The following GABRA3 variants were observed in gnomAD, a reference collection of about 807,000 sequenced individuals.
GABRA3 encodes the protein gamma-aminobutyric acid type A receptor subunit alpha3.
A neutral mutation model predicts 30.1 loss-of-function variants in GABRA3; 10 were observed. The observed-to-expected ratio is 0.33, with a 90% CI of 0.20 to 0.56. The LOEUF is 0.56. Ranked by LOEUF, GABRA3 falls within the 20% of genes least tolerant of loss-of-function variation. GABRA3 has a pLI of 0.89. For synonymous variants in GABRA3, 151 were observed against 146.8 expected (o/e 1.03, Z -0.21); for missense variants, 233 against 392.0 (o/e 0.59, Z 3.42).
rs187897850 is a variant in GABRA3 at position 152,340,762 on chromosome X, T to C, written c.262+4819A>G. ...TTTCAGATTTTCTTTTTATCATTGG[T>C]TCTAAGCAATTTTTTCCTTTCTCTT... On this transcript the variant is annotated intron_variant, in intron 3 of 9. Transcript: ENST00000370314. Among the ~76,000 whole-genome samples, 726 of 111,988 alleles carry C rather than the reference T, an allele frequency of 6.5e-3. 1 individual carries two copies. The highest frequency in any genetic ancestry group is 9.2e-3 in the Non-Finnish European group (487 of 53,129).
intron 3 of GABRA3, among the ~76,000 whole-genome samples, chrX:152,341,763 A>G (rs376181979): frequency 1.8e-5 from 2 of 109,905 alleles, no homozygotes; most frequent in Admixed American, 1.9e-4. Context: ...GATGGTCTCG[A>G]TCTCTTGACC....
At chrX:152,233,133 G>T (rs1483022978) in intron 5 of GABRA3, among the ~76,000 whole-genome samples, 1 of 108,575 alleles carries the variant, frequency 9.2e-6, no homozygotes, top group Non-Finnish European at 1.9e-5. Flanking sequence ...TTTGAAAAAT[G>T]TCGGTTCATG....
chrX:152,339,029 G>A (rs1047471662), intron 3 of GABRA3, among the ~76,000 whole-genome samples: 19 of 110,365 alleles, frequency 1.7e-4, no homozygotes, highest in African/African-American at 6.3e-4. Context: ...GTCATCCTAT[G>A]TACATTTAAG....
At chrX:152,383,958 C>T (rs1272453596) in intron 1 of GABRA3, among the ~76,000 whole-genome samples, 2 of 85,184 alleles carry the variant, frequency 2.3e-5, no homozygotes, top group Non-Finnish European at 4.6e-5. Context: ...GTGGAAAACC[C>T]TACAGACTCC....
chrX:152,185,244 A>T (rs1937237149), intron 9 of GABRA3, among the ~76,000 whole-genome samples: 1 of 111,491 alleles, frequency 9.0e-6, no homozygotes, highest in African/African-American at 3.3e-5. Context: ...TACATTAGAG[A>T]TCCATTTTTC....
chrX:152,364,309 G>A (rs993234909), intron 2 of GABRA3, 122 bp downstream of exon 2: 2 of 603,258 alleles, frequency 3.3e-6, no homozygotes, highest in African/African-American at 4.6e-5. Context: ...TAAATATAAT[G>A]TAATGTATAA....
intron 5 of GABRA3, among the ~76,000 whole-genome samples, chrX:152,229,789 A>G (rs780940275): frequency 1.8e-5 from 2 of 111,299 alleles, no homozygotes; most frequent in African/African-American, 3.3e-5. Flanking sequence ...GATTTTAAGC[A>G]GAGGGTAATT....
intron 7 of GABRA3, among the ~76,000 whole-genome samples, chrX:152,199,635 A>T (rs1489334661): frequency 9.0e-6 from 1 of 111,179 alleles, no homozygotes; most frequent in East Asian, 2.8e-4. Context: ...TCTAAGATTT[A>T]TATATTAGAC....
chrX:152,418,720 T>C (rs1201339466), intron 1 of GABRA3, among the ~76,000 whole-genome samples: 1 of 111,109 alleles, frequency 9.0e-6, no homozygotes, highest in Non-Finnish European at 1.9e-5. Flanking sequence ...GCCCAGCAAA[T>C]ACAAAAGTTG....
intron 3 of GABRA3, among the ~76,000 whole-genome samples, chrX:152,325,749 C>A (rs772586057): frequency 9.0e-6 from 1 of 111,636 alleles, no homozygotes; most frequent in South Asian, 3.8e-4. Flanking sequence ...TGGGGAGAAA[C>A]CAGAGCAGAA....
At chrX:152,373,625 CTTTTT>C (rs913830422) in intron 1 of GABRA3, among the ~76,000 whole-genome samples, 1 of 110,378 alleles carries the variant, frequency 9.1e-6, no homozygotes, top group African/African-American at 3.3e-5. Context: ...ATTTGCATTT[CTTTTT>C]TTTTATTATT....
intron 3 of GABRA3, among the ~76,000 whole-genome samples, chrX:152,318,278 C>A (rs1168422359): frequency 9.0e-6 from 1 of 110,881 alleles, no homozygotes; most frequent in Non-Finnish European, 1.9e-5. Flanking sequence ...GAATTAGAAA[C>A]CCTGAACAGA....
At position 152,208,025 on chromosome X, in the gene GABRA3, T is replaced by C. The variant is rs1937589787; in HGVS notation, c.754A>G (p.Thr252Ala). Residue 252 changes from threonine (T) to alanine (A), a missense_variant, in exon 7 of 10, where the codon ACA becomes GCA. Physicochemically the swap from Thr to Ala is moderately conservative, Grantham distance 58. Transcript: ENST00000370314. ...CCTGTACTAGACCGGATTATCTCTGTCCCAACAACATGGCCCAAAAGGTCA... is the reference window on the plus strand; with the variant it reads ...CCTGTACTAGACCGGATTATCTCTGCCCCAACAACATGGCCCAAAAGGTCA... ...QYDLLGHVVG[T>A]EIIRSSTGEY... 1 of 1,209,914 alleles carries C rather than the reference T, an allele frequency of 8.3e-7. No individual in the cohort carries two copies. The highest frequency in any genetic ancestry group is 2.2e-5 in the Admixed American group (1 of 45,772).
At position 152,190,420 on chromosome X, in the gene GABRA3, C is replaced by T. The variant is rs552256338; in HGVS notation, c.932-479G>A. The stretch of plus-strand genomic sequence containing the variant: ...ACCTAAAAAGGGTGATGGCTCCTTG[C>T]GAAACTGCTCATCTTCAGAATGAAC... On this transcript the variant is annotated intron_variant, in intron 8 of 9. Transcript: ENST00000370314. 6.3e-5 allele frequency among the ~76,000 whole-genome samples: 7 copies of T among 111,377 alleles called. No homozygotes were observed. The South Asian group carries it at 1.5e-3, about 24-fold the overall frequency.
chrX:152,377,599 T>A lies in GABRA3; in HGVS notation c.-26-13003A>T, dbSNP rs769721760. 1.6e-4 allele frequency among the ~76,000 whole-genome samples: 18 copies of A among 110,365 alleles called. No homozygotes were observed. In the East Asian group the frequency reaches 4.5e-3, roughly 28 times the overall value. ...ATTAATAAATTGCCATTACTCAATG[T>A]CTTTATGATTAAATAAGAGAGAAAA... is the stretch of plus-strand genomic sequence containing the variant. On this transcript the variant is annotated intron_variant, in intron 1 of 9. Coordinates refer to ENST00000370314, the MANE Select transcript of GABRA3 (RefSeq NM_000808.4).
chrX:152,284,636 C>T, intron 4 of GABRA3, 32 bp downstream of exon 4: 3 of 1,038,692 alleles, frequency 2.9e-6, no homozygotes, highest in Non-Finnish European at 4.0e-6. Context: ...TCTAGTGCAT[C>T]CTCTTTTACA....
chrX:152,338,753 A>T (rs1267675714), intron 3 of GABRA3, among the ~76,000 whole-genome samples: 1 of 112,064 alleles, frequency 8.9e-6, no homozygotes, highest in African/African-American at 3.2e-5. Flanking sequence ...GCATATAATT[A>T]TCCAGTTTTC....
At chrX:152,335,751 T>C (rs751606958) in intron 3 of GABRA3, among the ~76,000 whole-genome samples, 10 of 111,354 alleles carry the variant, frequency 9.0e-5, no homozygotes, top group Non-Finnish European at 1.9e-4. Flanking sequence ...AGACTGAGTC[T>C]CTTTCTGTTT....
At chrX:152,218,698 T>G (rs1810158943) in intron 6 of GABRA3, among the ~76,000 whole-genome samples, 1 of 111,344 alleles carries the variant, frequency 9.0e-6, no homozygotes, top group South Asian at 3.7e-4. Context: ...ATTGACCTTT[T>G]CATCATGACA....
Sources: gnomAD v4.1 joint callset for allele counts (sites outside exome capture counted in the v4.1 genomes callset) on GRCh38, gnomAD v4.1.1 for gene constraint, MANE v1.5 for transcripts, NCBI Gene and HGNC (gene_info 2026-07-23, HGNC 2026-07-21) for gene names.